Variants in USH1C observed in about 807,000 individuals in gnomAD.
The protein encoded by USH1C is USH1 protein network component harmonin, also known as harmonin.
Under a neutral mutation model 119.3 loss-of-function variants are expected in USH1C, and 90 were observed. The observed-to-expected ratio is 0.75, with a 90% CI of 0.64 to 0.90. The LOEUF (loss-of-function observed/expected upper bound fraction) is 0.90, where lower values mean the gene tolerates loss of function less well. USH1C is among the 40% of genes least tolerant of loss of function. The pLI, the probability that USH1C is intolerant of heterozygous loss-of-function variation, is 0.00. For missense variants in USH1C, 1,165 were observed against 1,167.7 expected, an observed-to-expected ratio of 1.00 and a Z score of 0.03; for synonymous variants, 465 against 443.3, an observed-to-expected ratio of 1.05 and a Z score of -0.62.
chr11:17,497,465 C>T (rs2133770423), intron 24 of USH1C, among the ~76,000 whole-genome samples: 1 of 152,358 alleles, frequency 6.6e-6, no homozygotes, highest in African/African-American at 2.4e-5. Flanking sequence ...AACACTTCTG[C>T]TCCCTCTGCC....
chr11:17,497,440 T>A (rs1348144418), intron 24 of USH1C, among the ~76,000 whole-genome samples: 1 of 152,180 alleles, frequency 6.6e-6, no homozygotes, highest in Admixed American at 6.5e-5. Context: ...AGGTCTTCCC[T>A]CAAGAATCAG....
chr11:17,541,653 C>T (rs1247322747), intron 1 of USH1C, among the ~76,000 whole-genome samples: 2 of 152,236 alleles, frequency 1.3e-5, no homozygotes, highest in Non-Finnish European at 2.9e-5. Flanking sequence ...CCCTGCTCCC[C>T]CACATCCTGG....
chr11:17,495,053 A>C (rs999651008), intron 26 of USH1C: 3 of 221,466 alleles, frequency 1.4e-5, no homozygotes, highest in South Asian at 7.9e-5. Flanking sequence ...CCAGCCTTCA[A>C]AACCTCTTAA....
intron 9 of USH1C, among the ~76,000 whole-genome samples, chr11:17,523,820 G>A (rs1453882162): frequency 4.6e-5 from 7 of 152,248 alleles, no homozygotes; most frequent in Non-Finnish European, 7.3e-5. Flanking sequence ...AGGCTGTGTT[G>A]AATCGTCATA....
chr11:17,501,115 C>T lies in USH1C; in HGVS notation c.2316G>A (p.Val772=). 6.2e-7 allele frequency: 1 copy of T among 1,614,042 alleles called. No individual in the cohort carries two copies. The highest frequency in any genetic ancestry group is 1.1e-5 in the South Asian group (1 of 91,056). ...GSLDLALEGG[V]DSPIGKVVVS... is the part of the protein sequence containing the mutation. ...CGACCACCTTCCCAATGGGGGAGTC[C>T]ACACCGCCTTCCAGGGCCAGGTCTA... The change falls in exon 23 of 27, where the codon GTG becomes GTA. Residue 772 remains valine, a synonymous_variant. Transcript: ENST00000005226.
rs1419260650 is a variant in USH1C at position 17,512,169 on chromosome 11, C to T, written c.1261-115G>A. The T allele has an allele frequency of 2.0e-5, 24 of 1,182,884 alleles. No homozygotes were observed. In the Admixed American group the frequency reaches 4.1e-4, roughly 20 times the overall value. The allele number at this position is 1,182,884 out of a possible 1,614,324, so 73.3% of individuals were successfully genotyped here. A position where few individuals can be genotyped will look rare whatever the true frequency, so the allele number is the denominator to read the frequency against. On this transcript the variant is annotated intron_variant, in intron 15 of 26. Coordinates refer to ENST00000005226, the MANE Select transcript of USH1C (RefSeq NM_153676.4). ...ACCATCCCATGGTGAGCCCCTCCCC[C>T]AGCTCTCTCACCACTCTGGACATCA...
At position 17,509,623 on chromosome 11, in the gene USH1C, A is replaced by T; in HGVS notation, c.1746T>A (p.Leu582=). 1 of 1,594,878 alleles carries T rather than the reference A, an allele frequency of 6.3e-7. No individual in the cohort carries two copies. The highest frequency in any genetic ancestry group is 8.5e-7 in the Non-Finnish European group (1 of 1,174,658). Residue 582 remains leucine (L), a synonymous_variant, in exon 18 of 27, where the codon CTT becomes CTA. Coordinates refer to ENST00000005226, the MANE Select transcript of USH1C (RefSeq NM_153676.4). ...PPHKVPAPPV[L]PLSGHVSASS... ...AGGCGCTCACATGGCCAGATAAGGGAAGGACAGGGGGCGCCGGGACCTTGT... is the reference window on the plus strand; with the variant it reads ...AGGCGCTCACATGGCCAGATAAGGGTAGGACAGGGGGCGCCGGGACCTTGT...
intron 19 of USH1C, 111 bp from the exon 20 acceptor site, chr11:17,504,808 C>T: frequency 1.8e-6 from 2 of 1,104,314 alleles, no homozygotes; most frequent in South Asian, 1.3e-5. Context: ...TGCCAATGTC[C>T]CTCCCCGAGC....
At chr11:17,540,307 C>G (rs1851409695) in intron 1 of USH1C, among the ~76,000 whole-genome samples, 1 of 152,140 alleles carries the variant, frequency 6.6e-6, no homozygotes, top group Admixed American at 6.5e-5. Context: ...GACATGTCAG[C>G]TAGTTTGTAG....
intron 19 of USH1C, among the ~76,000 whole-genome samples, chr11:17,504,943 A>G (rs1849592630): frequency 6.6e-6 from 1 of 152,226 alleles, no homozygotes; most frequent in Non-Finnish European, 1.5e-5. Context: ...CTGTCCCAGG[A>G]GCAAAAACTT....
chr11:17,512,898 T>C (rs1849957101), intron 15 of USH1C, among the ~76,000 whole-genome samples: 1 of 152,132 alleles, frequency 6.6e-6, no homozygotes, highest in Non-Finnish European at 1.5e-5. Context: ...ATTTTTCCTG[T>C]AGGAATTAGA....
At chr11:17,500,959 C>T (rs1213064052) in intron 23 of USH1C, 92 bp downstream of exon 23, 13 of 1,048,726 alleles carry the variant, frequency 1.2e-5, no homozygotes, top group African/African-American at 3.1e-5. Context: ...AACCGTCAGC[C>T]CACTCCAAGT....
chr11:17,504,488 T>C (rs1042184659), intron 20 of USH1C, among the ~76,000 whole-genome samples, 159 bp downstream of exon 20: 7 of 152,094 alleles, frequency 4.6e-5, no homozygotes, highest in African/African-American at 1.7e-4. Context: ...CCCCCACCCC[T>C]GCGCAGGCAA....
rs1850407138 is a variant in USH1C at position 17,521,378 on chromosome 11, C to G, written c.1053G>C (p.Glu351Asp). 1 of 1,614,164 alleles carries G rather than the reference C, an allele frequency of 6.2e-7. No homozygotes were observed. The highest frequency in any genetic ancestry group is 8.5e-7 in the Non-Finnish European group (1 of 1,180,030). The change falls in exon 13 of 27, where the codon GAG becomes GAC. Residue 351 changes from glutamate (E) to aspartate (D), a missense_variant. By Grantham distance (45) the Glu-to-Asp change is conservative. Transcript: ENST00000005226. ...TCTCCTTCCGGTATCTCTCATTTTC[C>G]TCTGCTGCCTTCTGGGCAATTTCTT... ...RRKEIAQKAA[E>D]ENERYRKEME... is the part of the protein sequence containing the mutation.
intron 1 of USH1C, among the ~76,000 whole-genome samples, chr11:17,536,266 A>G (rs1851226912): frequency 6.6e-6 from 1 of 152,320 alleles, no homozygotes; most frequent in South Asian, 2.1e-4. Context: ...TGGGACAGAG[A>G]ATCTCTTATT....
chr11:17,518,953 G>A (rs556114600), intron 14 of USH1C, among the ~76,000 whole-genome samples: 188 of 152,188 alleles, frequency 1.2e-3, no homozygotes, highest in African/African-American at 4.1e-3. Flanking sequence ...CCCAGGAGGC[G>A]GAGGCTGCGG....
Position 17,531,081 on chromosome 11 carries a change from C to T in USH1C, c.387+73G>A. On this transcript the variant is annotated intron_variant, in intron 4 of 26. Coordinates refer to ENST00000005226, the MANE Select transcript of USH1C (RefSeq NM_153676.4). This position sits in a 1 kb window ranked among gnomAD's most constrained non-coding sequence, Gnocchi z 4.2. ...GGGTGACCATGTTGTGCCACACAGC[C>T]TAGTGGATGAATGAGGGGGAGGCAG... 1 of 1,608,840 alleles carries T rather than the reference C, an allele frequency of 6.2e-7. No homozygotes were observed. Among genetic ancestry groups the T allele is most frequent in the South Asian group, 1.1e-5 (1 of 90,566 alleles).
intron 14 of USH1C, 58 bp from the exon 15 acceptor site, chr11:17,516,348 T>C (rs1451229704): frequency 6.4e-7 from 1 of 1,560,752 alleles, no homozygotes; most frequent in African/African-American, 1.4e-5. Flanking sequence ...AGAGCATCCA[T>C]GGGCAGCAGA....
chr11:17,542,343 C>T (rs1332894407), intron 1 of USH1C, among the ~76,000 whole-genome samples: 1 of 152,252 alleles, frequency 6.6e-6, no homozygotes, highest in Admixed American at 6.5e-5. Flanking sequence ...ATCCTCTGTG[C>T]TTCATCCTCT....
Sources: gnomAD v4.1 joint callset for allele counts (sites outside exome capture counted in the v4.1 genomes callset) on GRCh38, gnomAD v4.1.1 for gene constraint, Gnocchi (gnomAD v3.1) non-coding constraint, MANE v1.5 for transcripts, NCBI Gene and HGNC (gene_info 2026-07-23, HGNC 2026-07-21) for gene names.